GDF5: variants seen among roughly 807,000 people sequenced by gnomAD.
GDF5 encodes growth/differentiation factor 5.
In GDF5, 17 loss-of-function variants were observed where a neutral mutation model predicts 34.6. The ratio of observed to expected loss-of-function variants is 0.49; its 90% confidence interval spans 0.34 to 0.74. GDF5 has a LOEUF of 0.74. Ranked by LOEUF, GDF5 falls within the 30% of genes least tolerant of loss-of-function variation. The pLI, the probability that GDF5 is intolerant of heterozygous loss-of-function variation, is 0.01. For synonymous variants in GDF5, 332 were observed against 290.7 expected (o/e 1.14, Z -1.44); for missense variants, 616 against 661.2 (o/e 0.93, Z 0.75).
upstream of GDF5, among the ~76,000 whole-genome samples, chr20:35,439,020 C>G (rs1001425646): frequency 2.6e-5 from 4 of 151,772 alleles, no homozygotes; most frequent in Admixed American, 1.3e-4. Context: ...CACTACACCC[C>G]CTCCCTACCC....
At position 35,437,765 on chromosome 20, in the gene GDF5, C is replaced by T. The variant is rs371564366; in HGVS notation, c.164G>A (p.Arg55Gln). The change falls in exon 1 of 2, where the codon CGG (arginine) becomes CAG (glutamine). Residue 55 changes from arginine to glutamine, a missense_variant. Transcript: ENST00000374369. ...GTGACCCCCTGGCCTGAAGACGTTC[C>T]GGGCCAGGGGGGGCCTCTCCTTGGC... ...AEAKERPPLA[R>Q]NVFRPGGHSY... 1.2e-5 allele frequency: 19 copies of T among 1,611,926 alleles called. No homozygotes were observed. Among genetic ancestry groups the T allele is most frequent in the African/African-American group, 2.7e-5 (2 of 74,882 alleles).
Position 35,437,706 on chromosome 20 carries a change from T to C in GDF5, c.223A>G (p.Arg75Gly). The change falls in exon 1 of 2, where the codon AGG becomes GGG. Residue 75 changes from arginine (R) to glycine (G), a missense_variant. Coordinates refer to ENST00000374369, the MANE Select transcript of GDF5 (RefSeq NM_000557.5). ...YGGGATNANARAKGGTGQTGG... is the reference protein window; with the variant it reads ...YGGGATNANAGAKGGTGQTGG... Reference sequence around the variant, plus strand: ...GTCTGCCCGGTGCCTCCCTTTGCCCTGGCATTGGCATTGGTGGCCCCCCCA... The same window carrying C: ...GTCTGCCCGGTGCCTCCCTTTGCCCCGGCATTGGCATTGGTGGCCCCCCCA... 6.2e-7 allele frequency: 1 copy of C among 1,613,908 alleles called. No homozygotes were observed. Among genetic ancestry groups the C allele is most frequent in the Non-Finnish European group, 8.5e-7 (1 of 1,179,914 alleles).
In GDF5 at chr20:35,434,334, G is replaced by C. The variant is rs758630897; in HGVS notation, c.1081C>G (p.Arg361Gly). The change falls in exon 2 of 2, where the codon CGC becomes GGC. Residue 361 changes from arginine to glycine, a missense_variant. Arg to Gly is a moderately radical substitution (Grantham distance 125). Transcript: ENST00000374369. ...RDLFFNEIKA[R>G]SGQDDKTVYE... is the part of the protein sequence containing the mutation. ...ACGGTCTTATCGTCCTGGCCAGAGCGGGCCTTAATCTCATTAAAGAACAGG... is the reference window on the plus strand; with the variant it reads ...ACGGTCTTATCGTCCTGGCCAGAGCCGGCCTTAATCTCATTAAAGAACAGG... 2.5e-6 allele frequency: 4 copies of C among 1,613,976 alleles called. No homozygotes were observed. Among genetic ancestry groups the C allele is most frequent in the South Asian group, 1.1e-5 (1 of 91,084 alleles).
Position 35,438,008 on chromosome 20 carries a change from G to A in GDF5, c.-80C>T. The A allele has an allele frequency of 6.6e-7, 1 of 1,524,596 alleles. No homozygotes were observed. Among genetic ancestry groups the A allele is most frequent in the Non-Finnish European group, 9.0e-7 (1 of 1,110,324 alleles). The allele number at this position is 1,524,596 out of a possible 1,614,324, so 94.4% of individuals were successfully genotyped here. A position where few individuals can be genotyped will look rare whatever the true frequency, so the allele number is the denominator to read the frequency against. On this transcript the variant is annotated 5_prime_UTR_variant, in exon 1 of 2. Coordinates refer to ENST00000374369, the MANE Select transcript of GDF5 (RefSeq NM_000557.5). ...CCTCTGGTTTGGCAGGAAAAACCAT[G>A]AAAGGAGTGGACTTTCAAAAGCAGC...
At chr20:35,440,137 G>C (rs559720868), upstream of GDF5, among the ~76,000 whole-genome samples, 219 of 151,124 alleles carry the variant, frequency 1.4e-3, 1 homozygote, top group African/African-American at 5.2e-3. Flanking sequence ...GTCTGGTCTC[G>C]AGCTCCTGAC....
intron 1 of GDF5, among the ~76,000 whole-genome samples, chr20:35,450,344 G>GAGACTATC (rs1315373742): frequency 6.6e-6 from 1 of 151,750 alleles, no homozygotes; most frequent in African/African-American, 2.4e-5. Flanking sequence ...ACAGCAGCAA[G>GAGACTATC]AGACTATCGT....
chr20:35,439,280 T>A (rs1265317280), upstream of GDF5, among the ~76,000 whole-genome samples: 1 of 145,296 alleles, frequency 6.9e-6, no homozygotes, highest in Non-Finnish European at 1.5e-5. Flanking sequence ...CTCTGTCGAG[T>A]GCAGTGGCAT....
chr20:35,438,849 G>GTTTA, upstream of GDF5, among the ~76,000 whole-genome samples: 1 of 24,822 alleles, frequency 4.0e-5, no homozygotes, highest in African/African-American at 7.6e-5. Flanking sequence ...GTGTGTGTGT[G>GTTTA]TGTGTGTGTG....
At chr20:35,435,004 G>C (rs1322933568) in intron 1 of GDF5, 7 of 645,884 alleles carry the variant, frequency 1.1e-5, no homozygotes, top group Admixed American at 2.6e-5. Flanking sequence ...CTGAAGATGT[G>C]GCTGGGGATG....
upstream of GDF5, chr20:35,438,307 G>T: frequency 3.6e-6 from 1 of 278,480 alleles, no homozygotes; most frequent in East Asian, 8.1e-5. Flanking sequence ...CTGCCTGTGT[G>T]CTCCAGTTTT....
chr20:35,437,542 G>T lies in GDF5; in HGVS notation c.387C>A (p.Pro129=), dbSNP rs764201187. The part of the protein sequence containing the change: ...ARTVTPKGQL[P]GGKAPPKAGS... Reference sequence around the variant, plus strand: ...CTGCTTTTGGGGGTGCCTTGCCTCCGGGAAGCTGTCCTTTTGGGGTCACAG... The same window carrying T: ...CTGCTTTTGGGGGTGCCTTGCCTCCTGGAAGCTGTCCTTTTGGGGTCACAG... Residue 129 remains proline (P), a synonymous_variant, in exon 1 of 2, where the codon CCC becomes CCA. Transcript: ENST00000374369. 2.5e-6 allele frequency: 4 copies of T among 1,613,998 alleles called. No homozygotes were observed. The African/African-American group carries it at 5.3e-5, about 22-fold the overall frequency.
At chr20:35,439,440 G>A (rs1252468119), upstream of GDF5, among the ~76,000 whole-genome samples, 1 of 152,012 alleles carries the variant, frequency 6.6e-6, no homozygotes, top group African/African-American at 2.4e-5. Context: ...TGTTAGCCAG[G>A]ATGGTCTCGA....
intron 1 of GDF5, chr20:35,453,982 T>G (rs1220410795): frequency 1.9e-6 from 1 of 534,504 alleles, no homozygotes; most frequent in Non-Finnish European, 3.8e-6. Flanking sequence ...TCACCCTGGG[T>G]ACTTTCTAAA....
At chr20:35,437,195 A>T in intron 1 of GDF5, 103 bp downstream of exon 1, 1 of 847,748 alleles carries the variant, frequency 1.2e-6, no homozygotes, top group Non-Finnish European at 1.9e-6. Context: ...GGCCAGATGC[A>T]CACAGTGTCT....
At chr20:35,450,081 T>G (rs1386300857) in intron 1 of GDF5, among the ~76,000 whole-genome samples, 1 of 149,822 alleles carries the variant, frequency 6.7e-6, no homozygotes, top group Non-Finnish European at 1.5e-5. Context: ...GGTGGGCGGA[T>G]CACTTGAGGT....
At chr20:35,434,850 G>A in intron 1 of GDF5, 67 bp from the exon 2 acceptor site, 1 of 1,511,300 alleles carries the variant, frequency 6.6e-7, no homozygotes, top group Non-Finnish European at 9.2e-7. Flanking sequence ...TCGAGGCTGC[G>A]GGGGAAGGCC....
chr20:35,451,998 G>C (rs1053306768), intron 1 of GDF5, among the ~76,000 whole-genome samples: 1 of 152,180 alleles, frequency 6.6e-6, no homozygotes, highest in African/African-American at 2.4e-5. Context: ...TACCACCTGA[G>C]CTCCACCTCC....
chr20:35,435,959 G>A (rs752112706), intron 1 of GDF5, among the ~76,000 whole-genome samples: 4 of 152,002 alleles, frequency 2.6e-5, no homozygotes, highest in Admixed American at 1.3e-4. Context: ...TGTGTGATTC[G>A]GCATGTGTGT....
intron 1 of GDF5, among the ~76,000 whole-genome samples, chr20:35,436,278 C>G (rs1383158802): frequency 6.6e-6 from 1 of 152,088 alleles, no homozygotes; most frequent in Non-Finnish European, 1.5e-5. Flanking sequence ...GGGCAGGCAG[C>G]CAGACCACCT....
Sources: gnomAD v4.1 joint callset for allele counts (sites outside exome capture counted in the v4.1 genomes callset) on GRCh38, gnomAD v4.1.1 for gene constraint, MANE v1.5 for transcripts, NCBI Gene and HGNC (gene_info 2026-07-23, HGNC 2026-07-21) for gene names.